The following ITFG1 variants were observed in gnomAD, a reference collection of about 807,000 sequenced individuals.
ITFG1 encodes the protein T-cell immunomodulatory protein.
ITFG1 carries 34 observed loss-of-function variants against 81.8 expected under a neutral mutation model. That is an observed-to-expected ratio of 0.42 (90% CI 0.32 to 0.55). ITFG1 has a LOEUF of 0.55. ITFG1 is among the 20% of genes least tolerant of loss of function. ITFG1 has a pLI of 0.17. For missense variants in ITFG1, 672 were observed against 755.4 expected (o/e 0.89, Z 1.29); for synonymous variants, 285 against 270.6 (o/e 1.05, Z -0.52).
intron 8 of ITFG1, among the ~76,000 whole-genome samples, chr16:47,356,687 C>G (rs1968044247): frequency 6.6e-6 from 1 of 152,158 alleles, no homozygotes; most frequent in African/African-American, 2.4e-5. Context: ...TAAGGTTAAG[C>G]ACAGAAAAGC....
At chr16:47,279,832 C>T (rs1966434320) in intron 10 of ITFG1, among the ~76,000 whole-genome samples, 1 of 152,090 alleles carries the variant, frequency 6.6e-6, no homozygotes, top group African/African-American at 2.4e-5. Context: ...CATATAGATA[C>T]TTAATATGTT....
At chr16:47,347,764 C>A (rs1428463715) in intron 8 of ITFG1, among the ~76,000 whole-genome samples, 1 of 152,210 alleles carries the variant, frequency 6.6e-6, no homozygotes, top group Non-Finnish European at 1.5e-5. Context: ...GGTCTCTGAC[C>A]CCCAAGTAGC....
intron 6 of ITFG1, among the ~76,000 whole-genome samples, chr16:47,422,726 G>A (rs1468628793): frequency 1.3e-5 from 2 of 152,076 alleles, no homozygotes; most frequent in Non-Finnish European, 2.9e-5. Flanking sequence ...TTGGGAGGGT[G>A]TATGTGTCCA....
chr16:47,205,230 T>A (rs1378646631), intron 14 of ITFG1, among the ~76,000 whole-genome samples: 1 of 152,214 alleles, frequency 6.6e-6, no homozygotes, highest in East Asian at 1.9e-4. Context: ...GATAATTTTT[T>A]GTTGAGGGAG....
chr16:47,388,132 T>C (rs1398482197), intron 6 of ITFG1, among the ~76,000 whole-genome samples: 1 of 151,936 alleles, frequency 6.6e-6, no homozygotes, highest in East Asian at 1.9e-4. Context: ...TCATGACAGA[T>C]TAAGCAGCCT....
At chr16:47,334,409 C>CA (rs1967676117) in intron 8 of ITFG1, among the ~76,000 whole-genome samples, 1 of 152,122 alleles carries the variant, frequency 6.6e-6, no homozygotes. Context: ...AACTGGGTGA[C>CA]AGAGTGAGCC....
intron 14 of ITFG1, among the ~76,000 whole-genome samples, chr16:47,202,706 C>T (rs534714826): frequency 6.6e-6 from 1 of 152,054 alleles, no homozygotes; most frequent in Non-Finnish European, 1.5e-5. Context: ...GGGCCTAGGT[C>T]TTGAATAGAT....
chr16:47,359,163 A>G (rs1307926945), intron 8 of ITFG1, among the ~76,000 whole-genome samples: 1 of 152,166 alleles, frequency 6.6e-6, no homozygotes, highest in African/African-American at 2.4e-5. Context: ...AATGTTAGAA[A>G]CAAAGGCAGG....
intron 5 of ITFG1, among the ~76,000 whole-genome samples, chr16:47,438,325 T>A (rs1040400187): frequency 3.9e-5 from 6 of 152,178 alleles, no homozygotes; most frequent in African/African-American, 1.4e-4. Context: ...GTCTGACAGC[T>A]TTGAAGAGAG....
At chr16:47,222,665 G>A (rs1245647929) in intron 13 of ITFG1, among the ~76,000 whole-genome samples, 4 of 152,064 alleles carry the variant, frequency 2.6e-5, no homozygotes, top group East Asian at 1.9e-4. Flanking sequence ...CGCCTGCCTC[G>A]GCCTCCCAAA....
intron 10 of ITFG1, among the ~76,000 whole-genome samples, chr16:47,287,098 AGCTAAT>A (rs1388615491): frequency 6.6e-6 from 1 of 152,202 alleles, no homozygotes; most frequent in Non-Finnish European, 1.5e-5. Flanking sequence ...GATGTATCAG[AGCTAAT>A]GCAAGGACAC....
intron 6 of ITFG1, among the ~76,000 whole-genome samples, chr16:47,402,009 C>G (rs1968667375): frequency 6.6e-6 from 1 of 152,156 alleles, no homozygotes; most frequent in South Asian, 2.1e-4. Flanking sequence ...GACATATTTT[C>G]TCGTTTATTT....
intron 10 of ITFG1, among the ~76,000 whole-genome samples, chr16:47,302,440 T>C (rs966705251): frequency 3.3e-5 from 5 of 152,144 alleles, no homozygotes; most frequent in African/African-American, 9.7e-5. Flanking sequence ...GATTATACTA[T>C]TGAGAGGTGA....
At chr16:47,282,438 C>T (rs1345752436) in intron 10 of ITFG1, among the ~76,000 whole-genome samples, 1 of 151,934 alleles carries the variant, frequency 6.6e-6, no homozygotes, top group Non-Finnish European at 1.5e-5. Context: ...ATAGATGAGT[C>T]GTATTCCATG....
At chr16:47,172,419 C>T (rs184353894) in intron 14 of ITFG1, among the ~76,000 whole-genome samples, 19 of 152,238 alleles carry the variant, frequency 1.2e-4, no homozygotes, top group African/African-American at 2.2e-4. Context: ...ACCTGGGAGG[C>T]GCAGGTTGCA....
intron 8 of ITFG1, among the ~76,000 whole-genome samples, chr16:47,353,906 A>T (rs1175237493): frequency 6.6e-6 from 1 of 152,194 alleles, no homozygotes; most frequent in African/African-American, 2.4e-5. Flanking sequence ...ATGAAAAGAT[A>T]CCCTGTGTTC....
chr16:47,321,073 T>C (rs191265063), intron 8 of ITFG1, among the ~76,000 whole-genome samples: 260 of 152,344 alleles, frequency 1.7e-3, no homozygotes, highest in Middle Eastern at 0.017. Context: ...GAACATGGCA[T>C]GACAGCTAAC....
At chr16:47,163,829 CATT>C (rs1056980009) in intron 14 of ITFG1, among the ~76,000 whole-genome samples, 4 of 151,968 alleles carry the variant, frequency 2.6e-5, no homozygotes, top group South Asian at 2.1e-4. Context: ...AGTGGTATCT[CATT>C]ATGGTTTTTA....
chr16:47,200,512 A>C (rs750038907), intron 14 of ITFG1, among the ~76,000 whole-genome samples: 1 of 152,228 alleles, frequency 6.6e-6, no homozygotes, highest in Non-Finnish European at 1.5e-5. Flanking sequence ...ATTTTTAGAT[A>C]TCATTACACT....
Sources: gnomAD v4.1 joint callset for allele counts (sites outside exome capture counted in the v4.1 genomes callset) on GRCh38, gnomAD v4.1.1 for gene constraint, MANE v1.5 for transcripts, NCBI Gene and HGNC (gene_info 2026-07-23, HGNC 2026-07-21) for gene names.